CNOT4: variants seen among roughly 807,000 people sequenced by gnomAD.
CNOT4 encodes CCR4-NOT transcription complex subunit 4.
Under a neutral mutation model 73.8 loss-of-function variants are expected in CNOT4, and 8 were observed. The observed-to-expected ratio is 0.11, with a 90% CI of 0.06 to 0.20. The LOEUF is 0.20. Ranked by LOEUF, CNOT4 falls within the 10% of genes least tolerant of loss-of-function variation. The pLI, the probability that CNOT4 is intolerant of heterozygous loss-of-function variation, is 1.00. For synonymous variants in CNOT4, 293 were observed against 321.1 expected (o/e 0.91, Z 0.94); for missense variants, 564 against 883.4 (o/e 0.64, Z 4.58).
Position 135,409,195 on chromosome 7 carries a change from C to T in CNOT4, c.821+1320G>A, listed in dbSNP as rs1000622478. ...AACTTCATTCTTATACCAAGCACTA[C>T]AGAGGTGGCAACGAATAAGATAAGT... On this transcript the variant is annotated intron_variant, in intron 7 of 11. Coordinates refer to ENST00000541284, the MANE Select transcript of CNOT4 (RefSeq NM_001190850.2). 1.7e-4 allele frequency among the ~76,000 whole-genome samples: 26 copies of T among 152,202 alleles called. 1 individual carries two copies. The South Asian group carries it at 5.4e-3, about 32-fold the overall frequency.
Position 135,447,206 on chromosome 7 carries a change from AGCATG to A in CNOT4, c.-92-8788_-92-8784del, listed in dbSNP as rs1245378482. Among the ~76,000 whole-genome samples, 25 of 152,176 alleles carry A rather than the reference AGCATG, an allele frequency of 1.6e-4. 6 individuals carry two copies. Among genetic ancestry groups the A allele is most frequent in the Non-Finnish European group, 2.5e-4 (17 of 68,024 alleles). ...TTTCTGTATTAGACACATTTCACAA[AGCATG>A]TTATTTACATAAACTACACGAAGAC... On this transcript the variant is annotated intron_variant, in intron 1 of 11. Coordinates refer to ENST00000541284, the MANE Select transcript of CNOT4 (RefSeq NM_001190850.2).
intron 2 of CNOT4, among the ~76,000 whole-genome samples, chr7:135,434,630 G>A (rs759058798): frequency 8.6e-5 from 13 of 151,984 alleles, no homozygotes; most frequent in African/African-American, 2.2e-4. Context: ...ATCCAGTCTC[G>A]TGATGTTATA....
Position 135,479,198 on chromosome 7 carries a change from A to ATTTTTTT in CNOT4, c.-93+30684_-93+30690dup, listed in dbSNP as rs61487024. 2.8e-4 allele frequency among the ~76,000 whole-genome samples: 25 copies of ATTTTTTT among 89,872 alleles called. 1 individual carries two copies. The highest frequency in any genetic ancestry group is 2.8e-3 in the East Asian group (9 of 3,256). 59.0% of individuals were successfully genotyped at this position (89,872 alleles called of 152,430 possible). A position where few individuals can be genotyped will look rare whatever the true frequency, so the allele number is the denominator to read the frequency against. On this transcript the variant is annotated intron_variant, in intron 1 of 11. Coordinates refer to ENST00000541284, the MANE Select transcript of CNOT4 (RefSeq NM_001190850.2). ...TCTCACCAAAGCCTATTAGAACCAA[A>ATTTTTTT]TTTTTTTTTTTTTTTTTTTTTTTTT... is the stretch of plus-strand genomic sequence containing the variant.
intron 1 of CNOT4, among the ~76,000 whole-genome samples, chr7:135,469,324 T>G (rs1801426985): frequency 1.3e-5 from 2 of 152,180 alleles, no homozygotes; most frequent in Non-Finnish European, 1.5e-5. Context: ...AGTATTTAAA[T>G]ATTTGAGAAT....
chr7:135,469,851 T>G (rs1440135332), intron 1 of CNOT4, among the ~76,000 whole-genome samples: 1 of 152,146 alleles, frequency 6.6e-6, no homozygotes, highest in Non-Finnish European at 1.5e-5. Context: ...AGATGGAGTC[T>G]TGATCTGTTG....
intron 10 of CNOT4, chr7:135,388,333 T>TTA: frequency 1.0e-6 from 1 of 985,068 alleles, no homozygotes; most frequent in Non-Finnish European, 1.2e-6. Context: ...CAATTTTGTT[T>TTA]TATATGTATT....
chr7:135,391,066 G>T (rs1291453655), intron 10 of CNOT4, among the ~76,000 whole-genome samples: 1 of 152,102 alleles, frequency 6.6e-6, no homozygotes, highest in Admixed American at 6.6e-5. Context: ...TAGAACAGGT[G>T]CAAGTGAGTT....
Position 135,400,350 on chromosome 7 carries a change from C to T in CNOT4, c.822-2124G>A, listed in dbSNP as rs370960760. Among the ~76,000 whole-genome samples the T allele has an allele frequency of 5.3e-4, 80 of 151,932 alleles. 2 individuals are homozygous for T. The East Asian group carries it at 8.1e-3, about 15-fold the overall frequency. Reference sequence around the variant, plus strand: ...TTAATTTGGTGGCGGAACATAATAGCGATAATCCGAGATAAACTTGCACTA... The same window carrying T: ...TTAATTTGGTGGCGGAACATAATAGTGATAATCCGAGATAAACTTGCACTA... On this transcript the variant is annotated intron_variant, in intron 7 of 11. Transcript: ENST00000541284.
chr7:135,441,626 T>C lies in CNOT4; in HGVS notation c.-92-3203A>G, dbSNP rs1280068451. Among the ~76,000 whole-genome samples, 5 of 152,218 alleles carry C rather than the reference T, an allele frequency of 3.3e-5. No homozygotes were observed. The East Asian group carries it at 7.7e-4, about 23-fold the overall frequency. Reference sequence around the variant, plus strand: ...ACTTCTAATACCTTTGATTCTAAGATATCATTTCTTTAACTACAGGTTATT... The same window carrying C: ...ACTTCTAATACCTTTGATTCTAAGACATCATTTCTTTAACTACAGGTTATT... On this transcript the variant is annotated intron_variant, in intron 1 of 11. Transcript: ENST00000541284.
chr7:135,437,109 C>T (rs1313478516), intron 2 of CNOT4, among the ~76,000 whole-genome samples: 2 of 152,152 alleles, frequency 1.3e-5, no homozygotes, highest in South Asian at 4.1e-4. Context: ...GTAATTGTGT[C>T]GCTGGTGCTT....
chr7:135,442,742 A>G (rs1003895762), intron 1 of CNOT4, among the ~76,000 whole-genome samples: 3 of 152,182 alleles, frequency 2.0e-5, no homozygotes, highest in African/African-American at 7.2e-5. Flanking sequence ...AGTCCTTAGA[A>G]TTAATTTGGC....
chr7:135,414,168 C>A (rs963930700), intron 5 of CNOT4, among the ~76,000 whole-genome samples, 163 bp downstream of exon 5: 1 of 151,848 alleles, frequency 6.6e-6, no homozygotes, highest in Non-Finnish European at 1.5e-5. Flanking sequence ...CCTACAGAAA[C>A]CAGCAGTAAA....
intron 8 of CNOT4, among the ~76,000 whole-genome samples, chr7:135,396,714 CTGATA>C (rs146977787): frequency 0.035 from 5,326 of 152,118 alleles, 309 homozygotes; most frequent in African/African-American, 0.12. Context: ...TTGAGTGGTA[CTGATA>C]TAATACTCCT....
At chr7:135,377,994 T>C (rs1428885549) in intron 10 of CNOT4, among the ~76,000 whole-genome samples, 1 of 152,240 alleles carries the variant, frequency 6.6e-6, no homozygotes, top group Non-Finnish European at 1.5e-5. Context: ...AAAACACATT[T>C]GTAAAACTCT....
At chr7:135,448,559 G>GGGAGGGAGGGAAGGAAGGAA (rs1554437787) in intron 1 of CNOT4, among the ~76,000 whole-genome samples, 5 of 148,330 alleles carry the variant, frequency 3.4e-5, no homozygotes, top group African/African-American at 1.3e-4. Context: ...GAGGGAGGGA[G>GGGAGGGAGGGAAGGAAGGAA]GGAAGGAAGG....
At position 135,472,518 on chromosome 7, in the gene CNOT4, T is replaced by A. The variant is rs1397171818; in HGVS notation, c.-92-34095A>T. On this transcript the variant is annotated intron_variant, in intron 1 of 11. Transcript: ENST00000541284. ...AAAAAAAAAAAAAAAAAAAAAAATA[T>A]ATATATATATATATATATATATATA... Among the ~76,000 whole-genome samples, 30 of 8,938 alleles carry A rather than the reference T, an allele frequency of 3.4e-3. 1 individual carries two copies. Among genetic ancestry groups the A allele is most frequent in the African/African-American group, 9.2e-3 (18 of 1,962 alleles). 5.9% of individuals were successfully genotyped at this position (8,938 alleles called of 152,430 possible).
intron 2 of CNOT4, among the ~76,000 whole-genome samples, chr7:135,434,709 G>A (rs1799046834): frequency 6.6e-6 from 1 of 152,168 alleles, no homozygotes; most frequent in African/African-American, 2.4e-5. Context: ...CTGAAATCCA[G>A]ACATGAACAT....
At chr7:135,394,814 C>T (rs932268466) in intron 9 of CNOT4, among the ~76,000 whole-genome samples, 1 of 151,618 alleles carries the variant, frequency 6.6e-6, no homozygotes, top group Non-Finnish European at 1.5e-5. Context: ...TGAATACATG[C>T]TTTCTATACT....
At chr7:135,499,881 C>T (rs1291190982) in intron 1 of CNOT4, among the ~76,000 whole-genome samples, 1 of 152,078 alleles carries the variant, frequency 6.6e-6, no homozygotes, top group African/African-American at 2.4e-5. Flanking sequence ...AACAAACCCC[C>T]CAAGGAGAAG....
Sources: gnomAD v4.1 joint callset for allele counts (sites outside exome capture counted in the v4.1 genomes callset) on GRCh38, gnomAD v4.1.1 for gene constraint, MANE v1.5 for transcripts, NCBI Gene and HGNC (gene_info 2026-07-23, HGNC 2026-07-21) for gene names.